PLXNA4: variants seen among roughly 807,000 people sequenced by gnomAD.
The protein encoded by PLXNA4 is plexin-A4.
PLXNA4 carries 44 observed loss-of-function variants against 191.8 expected under a neutral mutation model. The observed-to-expected ratio is 0.23, with a 90% CI of 0.18 to 0.29. The LOEUF (loss-of-function observed/expected upper bound fraction) is 0.29, where lower values mean the gene tolerates loss of function less well. PLXNA4 is among the 10% of genes least tolerant of loss of function. PLXNA4 has a pLI of 1.00. For missense variants in PLXNA4, 1,800 were observed against 2,488.8 expected (o/e 0.72, Z 5.89); for synonymous variants, 1,082 against 1,009.5 (o/e 1.07, Z -1.36).
At chr7:132,210,683 T>A (rs533531068) in intron 10 of PLXNA4, among the ~76,000 whole-genome samples, 1 of 152,290 alleles carries the variant, frequency 6.6e-6, no homozygotes, top group South Asian at 2.1e-4. Context: ...TCCCTTCTAA[T>A]CCTGTCTTAC....
rs1205105380 is a variant in PLXNA4, at chr7:132,132,423, TTC to T, written c.5589+624_5589+625del. Among the ~76,000 whole-genome samples the T allele has an allele frequency of 2.1e-3, 162 of 75,770 alleles. 2 individuals are homozygous for T. The highest frequency in any genetic ancestry group is 7.6e-3 in the African/African-American group (153 of 20,056). The allele number at this position is 75,770 out of a possible 152,430, so 49.7% of individuals were successfully genotyped here. On this transcript the variant is annotated intron_variant, in intron 31 of 31. Transcript: ENST00000321063. ...TTCTGTTCTGTTCTGTTCTGTTCTG[TTC>T]TGTTCTGTTCTGTTCTGTTCTGTTC...
intron 12 of PLXNA4, among the ~76,000 whole-genome samples, chr7:132,202,071 C>A (rs766981013): frequency 6.6e-6 from 1 of 152,216 alleles, no homozygotes; most frequent in Non-Finnish European, 1.5e-5. Flanking sequence ...AAACCCTATT[C>A]TCTGGGACCC....
rs1055738440 is a variant in PLXNA4 at position 132,128,498 on chromosome 7, C to A, written c.*1981G>T. On this transcript the variant is annotated 3_prime_UTR_variant, in exon 32 of 32. Coordinates refer to ENST00000321063, the MANE Select transcript of PLXNA4 (RefSeq NM_020911.2). ...AGAAAGCAAGTAAGTGTTGAAATGT[C>A]CTGAAGCTGCAGGATGAATGGATGA... 2 of 152,030 alleles carry A rather than the reference C, an allele frequency of 1.3e-5. No individual in the cohort carries two copies. The highest frequency in any genetic ancestry group is 3.9e-4 in the East Asian group (2 of 5,190). 9.4% of individuals were successfully genotyped at this position (152,030 alleles called of 1,614,324 possible). A position where few individuals can be genotyped will look rare whatever the true frequency, so the allele number is the denominator to read the frequency against.
chr7:132,620,183 C>T (rs1406987646), intron 2 of PLXNA4, among the ~76,000 whole-genome samples: 2 of 152,176 alleles, frequency 1.3e-5, no homozygotes, highest in Non-Finnish European at 2.9e-5. Flanking sequence ...TCTTGAAAGA[C>T]ATAATGACAC....
intron 3 of PLXNA4, among the ~76,000 whole-genome samples, chr7:132,397,591 C>T (rs747364123): frequency 6.6e-6 from 1 of 152,172 alleles, no homozygotes; most frequent in Non-Finnish European, 1.5e-5. Flanking sequence ...TACAGAAAGA[C>T]AAGAACAGAG....
At chr7:132,554,944 G>A (rs1008839705) in intron 1 of PLXNA4, among the ~76,000 whole-genome samples, 2 of 151,324 alleles carry the variant, frequency 1.3e-5, no homozygotes, top group African/African-American at 4.9e-5. Context: ...GTAGGCTCCA[G>A]GCAATAATTA....
intron 3 of PLXNA4, among the ~76,000 whole-genome samples, chr7:132,436,671 G>A (rs541919674): frequency 5.1e-4 from 77 of 152,306 alleles, no homozygotes; most frequent in Non-Finnish European, 7.6e-4. Context: ...TCTGAATTTC[G>A]GTGATGGCTG....
chr7:132,270,534 T>G (rs1584927885), intron 4 of PLXNA4, among the ~76,000 whole-genome samples: 1 of 152,258 alleles, frequency 6.6e-6, no homozygotes. Flanking sequence ...GGATGGCATT[T>G]TGGCATTCTG....
chr7:132,185,333 T>G lies in PLXNA4; in HGVS notation c.3124A>C (p.Ile1042Leu). ...LVFQYVEDPT[I>L]VRIEPEWSIV... The stretch of plus-strand genomic sequence containing the variant: ...CTCCATTCTGGCTCAATCCGCACGA[T>G]GGTGGGGTCTTCCACATACTGAAAG... Residue 1042 changes from isoleucine (I) to leucine (L), a missense_variant, in exon 16 of 32, where the codon ATC (isoleucine) becomes CTC (leucine). Physicochemically the swap from Ile to Leu is conservative, Grantham distance 5 (BLOSUM62 2). Transcript: ENST00000321063. The G allele has an allele frequency of 6.2e-7, 1 of 1,613,978 alleles. No individual in the cohort carries two copies. Among genetic ancestry groups the G allele is most frequent in the Non-Finnish European group, 8.5e-7 (1 of 1,179,944 alleles).
At chr7:132,482,685 C>T (rs537219365) in intron 3 of PLXNA4, among the ~76,000 whole-genome samples, 6 of 120,380 alleles carry the variant, frequency 5.0e-5, no homozygotes, top group African/African-American at 1.9e-4. Context: ...AGTGTGGGAG[C>T]TTCGAGAAAC....
chr7:132,155,424 G>A (rs1795762182), intron 25 of PLXNA4, among the ~76,000 whole-genome samples: 1 of 152,204 alleles, frequency 6.6e-6, no homozygotes, highest in South Asian at 2.1e-4. Flanking sequence ...AAAATGTCCT[G>A]TCTCTGCTAG....
chr7:132,547,603 G>A (rs1318420299), intron 1 of PLXNA4, among the ~76,000 whole-genome samples: 1 of 152,050 alleles, frequency 6.6e-6, no homozygotes, highest in Non-Finnish European at 1.5e-5. Context: ...CTGGTGGGGT[G>A]CAGAACTATT....
intron 9 of PLXNA4, among the ~76,000 whole-genome samples, chr7:132,216,446 C>T (rs1472963460): frequency 6.6e-6 from 1 of 152,176 alleles, no homozygotes; most frequent in Non-Finnish European, 1.5e-5. Context: ...AGGGGCGGCT[C>T]TTCACCTATC....
intron 3 of PLXNA4, among the ~76,000 whole-genome samples, chr7:132,316,802 C>T (rs1489590416): frequency 6.6e-6 from 1 of 151,992 alleles, no homozygotes; most frequent in Non-Finnish European, 1.5e-5. Flanking sequence ...TGGGGTCTCA[C>T]AAGAAAAGTA....
intron 15 of PLXNA4, among the ~76,000 whole-genome samples, chr7:132,186,033 C>G (rs180833172): frequency 1.3e-5 from 2 of 152,294 alleles, no homozygotes; most frequent in East Asian, 3.9e-4. Context: ...TTCTTTAACA[C>G]TACTGATGCC....
rs192305835 is a variant in PLXNA4 at position 132,165,860 on chromosome 7, G to T, written c.4287-660C>A. Among the ~76,000 whole-genome samples, 183 of 152,208 alleles carry T rather than the reference G, an allele frequency of 1.2e-3. 1 individual carries two copies. Among genetic ancestry groups the T allele is most frequent in the African/African-American group, 4.0e-3 (168 of 41,548 alleles). On this transcript the variant is annotated intron_variant, in intron 22 of 31. Transcript: ENST00000321063. ...CAGCTAAAGGCTCCCAGCATTCGCC[G>T]CAGCATAAAGCCATATACCCAGCTC...
At chr7:132,206,697 G>C (rs779721111) in intron 10 of PLXNA4, among the ~76,000 whole-genome samples, 1 of 152,054 alleles carries the variant, frequency 6.6e-6, no homozygotes, top group Non-Finnish European at 1.5e-5. Context: ...GACCTGCAAC[G>C]TGCCTGGGGC....
At chr7:132,157,101 T>C (rs1795821236) in intron 25 of PLXNA4, among the ~76,000 whole-genome samples, 1 of 152,210 alleles carries the variant, frequency 6.6e-6, no homozygotes, top group Non-Finnish European at 1.5e-5. Flanking sequence ...CCTCCAAGTG[T>C]GGCCCAGCAG....
intron 1 of PLXNA4, among the ~76,000 whole-genome samples, chr7:132,515,463 C>T (rs551346625): frequency 6.6e-6 from 1 of 152,174 alleles, no homozygotes; most frequent in African/African-American, 2.4e-5. Context: ...AACCTATACA[C>T]AGAAAAATCC....
Sources: gnomAD v4.1 joint callset for allele counts (sites outside exome capture counted in the v4.1 genomes callset) on GRCh38, gnomAD v4.1.1 for gene constraint, MANE v1.5 for transcripts, NCBI Gene and HGNC (gene_info 2026-07-23, HGNC 2026-07-21) for gene names.